EXOC2: variants seen among roughly 807,000 people sequenced by gnomAD.
EXOC2 encodes the protein exocyst complex component 2.
In EXOC2, 70 loss-of-function variants were observed where a neutral mutation model predicts 131.8. That is an observed-to-expected ratio of 0.53 (90% CI 0.44 to 0.65). The LOEUF is 0.65. Among genes scored for constraint, EXOC2 ranks in the 30% least tolerant of loss-of-function variants. The pLI, the probability that EXOC2 is intolerant of heterozygous loss-of-function variation, is 0.00. For synonymous variants in EXOC2, 411 were observed against 398.4 expected (o/e 1.03, Z -0.38); for missense variants, 923 against 1,108.6 (o/e 0.83, Z 2.38).
intron 22 of EXOC2, among the ~76,000 whole-genome samples, chr6:534,282 A>G (rs888902473): frequency 6.6e-6 from 1 of 152,216 alleles, no homozygotes; most frequent in African/African-American, 2.4e-5. Flanking sequence ...GCAGTAGGAG[A>G]AAATTTAACT....
At chr6:626,628 G>A (rs1472985169) in intron 4 of EXOC2, among the ~76,000 whole-genome samples, 5 of 151,792 alleles carry the variant, frequency 3.3e-5, no homozygotes, top group Non-Finnish European at 5.9e-5. Context: ...CTCTCACTCT[G>A]TCACCCAGGT....
chr6:549,356 C>A, intron 21 of EXOC2, 65 bp from the exon 22 acceptor site: 1 of 1,179,254 alleles, frequency 8.5e-7, no homozygotes, highest in Non-Finnish European at 1.3e-6. Flanking sequence ...CTGATTAACA[C>A]TTGTCAAGTT....
At chr6:634,835 T>A (rs72835979) in intron 2 of EXOC2, among the ~76,000 whole-genome samples, 22,647 of 152,202 alleles carry the variant, frequency 0.15, 2,029 homozygotes, top group Non-Finnish European at 0.19. Context: ...TTTCTAATAA[T>A]TTTTGTTATG....
At position 549,206 on chromosome 6, in the gene EXOC2, T is replaced by G; in HGVS notation, c.2207A>C (p.His736Pro). The change falls in exon 22 of 28, where the codon CAC becomes CCC. Residue 736 changes from histidine to proline, a missense_variant. Physicochemically the swap from His to Pro is moderately conservative, Grantham distance 77. Coordinates refer to ENST00000230449, the MANE Select transcript of EXOC2 (RefSeq NM_018303.6). ...FLNIAEHFEK[H>P]NFQGIEKITQ... ...GATTTTTTCTATTCCCTGGAAGTTG[T>G]GCTTTTCAAAATGTTCTGCGATATT... 1 of 1,614,194 alleles carries G rather than the reference T, an allele frequency of 6.2e-7. No homozygotes were observed. Among genetic ancestry groups the G allele is most frequent in the South Asian group, 1.1e-5 (1 of 91,080 alleles).
In EXOC2 at chr6:497,489, C is replaced by T; in HGVS notation, c.2437G>A (p.Val813Met). The change falls in exon 25 of 28, where the codon GTG (valine) becomes ATG (methionine). Residue 813 changes from valine (V) to methionine (M), a missense_variant and splice_region_variant. Val to Met is a conservative substitution (Grantham distance 21, BLOSUM62 1). Coordinates refer to ENST00000230449, the MANE Select transcript of EXOC2 (RefSeq NM_018303.6). The part of the protein sequence containing the change: ...LVNIIAVHAE[V>M]FTISKELVPR... ...ACCAGTTCTTTGGAAATGGTGAACA[C>T]CTGGTTTGAAATAGGAAGACATGGT... is the stretch of plus-strand genomic sequence containing the variant. 6.2e-7 allele frequency: 1 copy of T among 1,608,318 alleles called. No homozygotes were observed. Among genetic ancestry groups the T allele is most frequent in the Non-Finnish European group, 8.5e-7 (1 of 1,177,860 alleles).
At chr6:688,912 A>G (rs927288154) in intron 1 of EXOC2, among the ~76,000 whole-genome samples, 9 of 152,248 alleles carry the variant, frequency 5.9e-5, no homozygotes, top group African/African-American at 2.2e-4. Context: ...TAATACAATG[A>G]AAGTTAAATC....
chr6:502,132 C>T (rs1208812146), intron 23 of EXOC2, among the ~76,000 whole-genome samples: 1 of 152,154 alleles, frequency 6.6e-6, no homozygotes, highest in Non-Finnish European at 1.5e-5. Flanking sequence ...AGGACCAGCT[C>T]ATGTAGACGC....
intron 1 of EXOC2, chr6:656,270 G>C: frequency 6.2e-7 from 1 of 1,614,222 alleles, no homozygotes; most frequent in Non-Finnish European, 8.5e-7. Flanking sequence ...CTTGCACCAT[G>C]CTCTCCAGGT....
chr6:502,252 C>T (rs1010498708), intron 23 of EXOC2, among the ~76,000 whole-genome samples: 8 of 152,256 alleles, frequency 5.3e-5, no homozygotes, highest in African/African-American at 1.9e-4. Context: ...CAGTGAGAAC[C>T]GGGGTCCTGT....
chr6:561,921 C>G (rs540537128), intron 17 of EXOC2, among the ~76,000 whole-genome samples: 2 of 152,336 alleles, frequency 1.3e-5, no homozygotes, highest in African/African-American at 4.8e-5. Flanking sequence ...AAAACAGGAG[C>G]AGCCACGTGC....
chr6:692,699 C>A (rs989694056), intron 1 of EXOC2, among the ~76,000 whole-genome samples: 9 of 152,270 alleles, frequency 5.9e-5, no homozygotes, highest in South Asian at 2.1e-4. Context: ...GCGGCGCAGT[C>A]TGGGGCCAGC....
chr6:492,394 C>T (rs1049942450), intron 25 of EXOC2, among the ~76,000 whole-genome samples: 41 of 152,168 alleles, frequency 2.7e-4, no homozygotes, highest in East Asian at 5.8e-4. Flanking sequence ...CTAGCAATTC[C>T]GCTCCTTGGT....
At chr6:624,217 G>A (rs1761437871) in intron 4 of EXOC2, among the ~76,000 whole-genome samples, 1 of 152,168 alleles carries the variant, frequency 6.6e-6, no homozygotes, top group Non-Finnish European at 1.5e-5. Flanking sequence ...TAACACAGCT[G>A]CAAAAGTACA....
At chr6:685,002 T>C (rs1220095109) in intron 1 of EXOC2, among the ~76,000 whole-genome samples, 1 of 152,046 alleles carries the variant, frequency 6.6e-6, no homozygotes, top group African/African-American at 2.4e-5. Flanking sequence ...AATACAGAAG[T>C]TCTGACTCAC....
intron 25 of EXOC2, among the ~76,000 whole-genome samples, chr6:496,393 C>T (rs1763745487): frequency 6.6e-6 from 1 of 152,176 alleles, no homozygotes; most frequent in African/African-American, 2.4e-5. Flanking sequence ...CTTATTTGGA[C>T]TCTAACTCTT....
chr6:565,246 C>T (rs1472360273), intron 13 of EXOC2, among the ~76,000 whole-genome samples: 2 of 152,220 alleles, frequency 1.3e-5, no homozygotes, highest in Non-Finnish European at 2.9e-5. Context: ...GTTAAACCAT[C>T]AGGTATCATA....
chr6:668,178 G>A (rs1306470890), intron 1 of EXOC2, among the ~76,000 whole-genome samples: 4 of 152,134 alleles, frequency 2.6e-5, no homozygotes, highest in African/African-American at 9.7e-5. Context: ...GGGCTCCCAG[G>A]ATCTATGGAT....
chr6:540,075 T>C (rs1766716816), intron 22 of EXOC2, among the ~76,000 whole-genome samples: 1 of 152,216 alleles, frequency 6.6e-6, no homozygotes, highest in Admixed American at 6.5e-5. Context: ...CCAGGACTTG[T>C]TAGCGAGGGC....
chr6:535,084 A>G (rs939442370), intron 22 of EXOC2, among the ~76,000 whole-genome samples: 1 of 152,230 alleles, frequency 6.6e-6, no homozygotes, highest in African/African-American at 2.4e-5. Context: ...AAGTATCTAG[A>G]AAAAGAGAAA....
Sources: allele counts gnomAD v4.1 joint callset (sites outside exome capture counted in the v4.1 genomes callset), GRCh38; gene constraint gnomAD v4.1.1; transcripts MANE v1.5; gene names NCBI Gene and HGNC (gene_info 2026-07-23, HGNC 2026-07-21).